RESF1: variants seen among roughly 807,000 people sequenced by gnomAD.
The protein encoded by RESF1 is retroelement silencing factor 1.
Under a neutral mutation model 134.7 loss-of-function variants are expected in RESF1, and 65 were observed. The observed-to-expected ratio is 0.48, with a 90% CI of 0.40 to 0.59. RESF1 has a LOEUF of 0.59. Ranked by LOEUF, RESF1 falls within the 20% of genes least tolerant of loss-of-function variation. RESF1 has a pLI of 0.00. For missense variants in RESF1, 2,274 were observed against 2,002.7 expected (o/e 1.14, Z -2.59); for synonymous variants, 762 against 702.2 (o/e 1.09, Z -1.35).
At chr12:31,990,577 C>T (rs1317139254) in intron 5 of RESF1, among the ~76,000 whole-genome samples, 1 of 152,126 alleles carries the variant, frequency 6.6e-6, no homozygotes, top group Non-Finnish European at 1.5e-5. Flanking sequence ...CCTCAGCCTC[C>T]TGAGTAGCGT....
Position 31,981,738 on chromosome 12 carries a change from C to G in RESF1, c.783C>G (p.Thr261=). 25 of 1,613,692 alleles carry G rather than the reference C, an allele frequency of 1.5e-5. No homozygotes were observed. Among genetic ancestry groups the G allele is most frequent in the Non-Finnish European group, 2.1e-5 (25 of 1,179,992 alleles). ...TATTAACTTTACCATCAAGGCAGACCTCAGCTGTACCATCACAGCAGTATG... is the reference window on the plus strand; with the variant it reads ...TATTAACTTTACCATCAAGGCAGACGTCAGCTGTACCATCACAGCAGTATG... ...NSVLTLPSRQ[T]SAVPSQQYAT... The change falls in exon 4 of 6, where the codon ACC becomes ACG. Residue 261 remains threonine (T), a synonymous_variant. Coordinates refer to ENST00000312561, the MANE Select transcript of RESF1 (RefSeq NM_018169.4).
At chr12:31,959,665 C>CCCCGCCGGCTCGCGCGT (rs1379399507) in intron 1 of RESF1, 174 bp downstream of exon 1, 4 of 151,090 alleles carry the variant, frequency 2.6e-5, no homozygotes, top group Non-Finnish European at 5.9e-5. Flanking sequence ...GGGCCTCGGG[C>CCCCGCCGGCTCGCGCGT]CCCGCCGGCT....
chr12:31,992,242 G>T, intron 5 of RESF1, 136 bp from the exon 6 acceptor site: 1 of 727,184 alleles, frequency 1.4e-6, no homozygotes, highest in Non-Finnish European at 2.4e-6. Context: ...GAAGAGCTAT[G>T]GTTCTGAAAC....
intron 2 of RESF1, among the ~76,000 whole-genome samples, chr12:31,963,783 C>A (rs975331082): frequency 6.6e-6 from 1 of 152,224 alleles, no homozygotes; most frequent in African/African-American, 2.4e-5. Context: ...TTTGCATATT[C>A]TGAACACTTC....
At chr12:31,959,854 G>C (rs1206825568) in intron 1 of RESF1, 2 of 152,400 alleles carry the variant, frequency 1.3e-5, no homozygotes, top group African/African-American at 4.8e-5. Context: ...GAGTGGCGAA[G>C]GCTAGGACGC....
chr12:31,985,221 A>G lies in RESF1; in HGVS notation c.4266A>G (p.Glu1422=). ...SNPNERAIVK[E]KMVSNTKSVD... The stretch of plus-strand genomic sequence containing the variant: ...CAAACGAAAGAGCCATTGTTAAAGA[A>G]AAGATGGTATCAAATACTAAGTCTG... Residue 1422 remains glutamate, a synonymous_variant, in exon 4 of 6, where the codon GAA becomes GAG. Coordinates refer to ENST00000312561, the MANE Select transcript of RESF1 (RefSeq NM_018169.4). 1 of 1,588,800 alleles carries G rather than the reference A, an allele frequency of 6.3e-7. No homozygotes were observed. Among genetic ancestry groups the G allele is most frequent in the Non-Finnish European group, 8.5e-7 (1 of 1,173,498 alleles).
intron 5 of RESF1, among the ~76,000 whole-genome samples, chr12:31,988,992 C>A (rs1435081384): frequency 6.6e-6 from 1 of 151,804 alleles, no homozygotes; most frequent in African/African-American, 2.4e-5. Flanking sequence ...CCGTGTCCAC[C>A]CGAATATATG....
intron 4 of RESF1, among the ~76,000 whole-genome samples, chr12:31,986,755 G>A (rs1939980014): frequency 6.6e-6 from 1 of 152,038 alleles, no homozygotes; most frequent in South Asian, 2.1e-4. Context: ...AATGGAAATT[G>A]AAGTCTTTGC....
rs147581411 is a variant in RESF1, at chr12:31,981,756, G to A, written c.801G>A (p.Gln267=). The change falls in exon 4 of 6, where the codon CAG becomes CAA. Residue 267 remains glutamine (Q), a synonymous_variant. Coordinates refer to ENST00000312561, the MANE Select transcript of RESF1 (RefSeq NM_018169.4). Reference sequence around the variant, plus strand: ...GGCAGACCTCAGCTGTACCATCACAGCAGTATGCCACGCAAACTGACAAAA... The same window carrying A: ...GGCAGACCTCAGCTGTACCATCACAACAGTATGCCACGCAAACTGACAAAA... The part of the protein sequence containing the change: ...PSRQTSAVPS[Q]QYATQTDKRP... 2.2e-3 allele frequency: 3,482 copies of A among 1,613,738 alleles called. 11 individuals are homozygous for A. Among genetic ancestry groups the A allele is most frequent in the Non-Finnish European group, 2.6e-3 (3,034 of 1,179,986 alleles).
chr12:31,978,581 C>G (rs1939691930), intron 3 of RESF1, among the ~76,000 whole-genome samples: 1 of 151,682 alleles, frequency 6.6e-6, no homozygotes, highest in Non-Finnish European at 1.5e-5. Context: ...GGCTCTCGCT[C>G]TGTCGCCAGG....
At chr12:31,979,416 A>C (rs971104473) in intron 3 of RESF1, among the ~76,000 whole-genome samples, 2 of 152,198 alleles carry the variant, frequency 1.3e-5, no homozygotes, top group Non-Finnish European at 2.9e-5. Context: ...CCAGGTTTGT[A>C]CTTCTGACCA....
intron 5 of RESF1, among the ~76,000 whole-genome samples, chr12:31,989,265 G>A (rs555184436): frequency 4.6e-5 from 7 of 151,226 alleles, no homozygotes; most frequent in South Asian, 2.1e-4. Flanking sequence ...GTGTGGTGGC[G>A]GGCACCTGTA....
chr12:31,965,474 G>A (rs990621244), intron 2 of RESF1, among the ~76,000 whole-genome samples: 4 of 152,098 alleles, frequency 2.6e-5, no homozygotes, highest in East Asian at 1.9e-4. Flanking sequence ...TGCTGCCCCC[G>A]CTCCCACCCT....
At chr12:31,973,169 A>G (rs73294858) in intron 3 of RESF1, among the ~76,000 whole-genome samples, 25,331 of 152,082 alleles carry the variant, frequency 0.17, 2,572 homozygotes, top group African/African-American at 0.28. Context: ...AAACTTGTCT[A>G]TGGTAATCTG....
intron 3 of RESF1, among the ~76,000 whole-genome samples, chr12:31,979,488 T>G (rs986827879): frequency 1.3e-5 from 2 of 152,154 alleles, no homozygotes; most frequent in Admixed American, 1.3e-4. Context: ...AGCACTTCAG[T>G]GTGTTCTGTT....
In RESF1 at chr12:31,985,500, T is replaced by A; in HGVS notation, c.4545T>A (p.His1515Gln). The stretch of plus-strand genomic sequence containing the variant: ...AATCATTAAATGGCTTGACAAGCCA[T>A]GGTAAAAACCTCAAAATCCACCATT... The part of the protein sequence containing the change: ...SKESLNGLTS[H>Q]GKNLKIHHSQ... The change falls in exon 4 of 6, where the codon CAT becomes CAA. Residue 1515 changes from histidine to glutamine, a missense_variant. His to Gln is a conservative substitution (Grantham distance 24, BLOSUM62 0). Transcript: ENST00000312561. 6.2e-7 allele frequency: 1 copy of A among 1,603,814 alleles called. No homozygotes were observed. The highest frequency in any genetic ancestry group is 8.5e-7 in the Non-Finnish European group (1 of 1,177,214).
chr12:31,991,011 A>G (rs757425903), intron 5 of RESF1, among the ~76,000 whole-genome samples: 8 of 152,272 alleles, frequency 5.3e-5, no homozygotes, highest in Non-Finnish European at 1.2e-4. Context: ...CTTCGGCAAC[A>G]TCAGGAGATC....
chr12:31,984,001 A>G lies in RESF1; in HGVS notation c.3046A>G (p.Ile1016Val). ...TAACGATACGTGCTCGTCAGCTGCT[A>G]TTCAGGAGGATATTTACCCTCAGGA... is the stretch of plus-strand genomic sequence containing the variant. ...TANDTCSSAA[I>V]QEDIYPQEID... Residue 1016 changes from isoleucine to valine, a missense_variant, in exon 4 of 6, where the codon ATT becomes GTT. Ile to Val is a conservative substitution (Grantham distance 29, BLOSUM62 3). Transcript: ENST00000312561. 2 of 1,614,060 alleles carry G rather than the reference A, an allele frequency of 1.2e-6. No homozygotes were observed. Among genetic ancestry groups the G allele is most frequent in the Non-Finnish European group, 8.5e-7 (1 of 1,179,988 alleles).
intron 2 of RESF1, among the ~76,000 whole-genome samples, chr12:31,966,132 AAC>A (rs1343134305): frequency 6.6e-6 from 1 of 152,138 alleles, no homozygotes; most frequent in Non-Finnish European, 1.5e-5. Context: ...AAAATACACT[AAC>A]ACTAACAATA....
Sources: allele counts gnomAD v4.1 joint callset (sites outside exome capture counted in the v4.1 genomes callset), GRCh38; gene constraint gnomAD v4.1.1; transcripts MANE v1.5; gene names NCBI Gene and HGNC (gene_info 2026-07-23, HGNC 2026-07-21).